The following INSL6 variants were observed in gnomAD, a reference collection of about 807,000 sequenced individuals.
INSL6 encodes the protein insulin-like peptide INSL6.
INSL6 carries 16 observed loss-of-function variants against 9.4 expected under a neutral mutation model. That is an observed-to-expected ratio of 1.70 (90% CI 1.15 to 2.59). INSL6 has a LOEUF of 2.59. Among genes scored for constraint, INSL6 ranks in the 30% most tolerant of loss-of-function variants. The pLI is 0.00. For synonymous variants in INSL6, 154 were observed against 96.9 expected (o/e 1.59, Z -3.46); for missense variants, 391 against 257.3 (o/e 1.52, Z -3.56).
downstream of INSL6, among the ~76,000 whole-genome samples, chr9:5,122,190 A>C (rs1823671105): frequency 6.6e-6 from 1 of 152,136 alleles, no homozygotes; most frequent in Non-Finnish European, 1.5e-5. Context: ...TTTTAATATC[A>C]GTCTAAAACA....
chr9:5,082,546 C>T, the INSL6 span, among the ~76,000 whole-genome samples: 1 of 152,206 alleles, frequency 6.6e-6, no homozygotes, highest in Non-Finnish European at 1.5e-5. Flanking sequence ...GAGACAGTGG[C>T]CTTCCTCTTT....
chr9:5,020,274 A>G, the INSL6 span, among the ~76,000 whole-genome samples: 3 of 152,162 alleles, frequency 2.0e-5, no homozygotes, highest in Non-Finnish European at 4.4e-5. Flanking sequence ...CCACATCCTC[A>G]GACCCCCAGG....
chr9:5,175,224 G>A (rs1475882855), intron 1 of INSL6, among the ~76,000 whole-genome samples: 1 of 152,142 alleles, frequency 6.6e-6, no homozygotes, highest in East Asian at 1.9e-4. Flanking sequence ...ACAGGCATGA[G>A]CCACCGCGTC....
the INSL6 span, among the ~76,000 whole-genome samples, chr9:5,102,169 C>T: frequency 6.6e-6 from 1 of 152,086 alleles, no homozygotes; most frequent in Admixed American, 6.5e-5. Flanking sequence ...TGGCTAACTA[C>T]AATAAACAGT....
chr9:5,113,049 T>A, the INSL6 span, among the ~76,000 whole-genome samples: 2 of 152,042 alleles, frequency 1.3e-5, no homozygotes, highest in African/African-American at 2.4e-5. Flanking sequence ...TGACGCTGGG[T>A]CCAGGAGCTC....
chr9:5,131,310 T>C (rs1382810430), intron 3 of INSL6, among the ~76,000 whole-genome samples: 1 of 152,126 alleles, frequency 6.6e-6, no homozygotes, highest in Non-Finnish European at 1.5e-5. Flanking sequence ...TTTATTATTA[T>C]GTCCTTAGTA....
chr9:5,094,956 AC>A, the INSL6 span: 1 of 152,160 alleles, frequency 6.6e-6, no homozygotes. Flanking sequence ...CCTACCACTT[AC>A]ATTAGCATTC....
the INSL6 span, chr9:5,085,601 A>G: frequency 1.4e-6 from 1 of 697,806 alleles, no homozygotes; most frequent in South Asian, 1.5e-5. Flanking sequence ...GATACTACAG[A>G]AAGAATTAAA....
the INSL6 span, among the ~76,000 whole-genome samples, chr9:5,113,263 G>A: frequency 1.6e-5 from 2 of 123,352 alleles, no homozygotes; most frequent in African/African-American, 3.1e-5. Context: ...CATACACTTT[G>A]TCAGAAAAGA....
At chr9:5,060,821 C>T in the INSL6 span, among the ~76,000 whole-genome samples, 1 of 152,172 alleles carries the variant, frequency 6.6e-6, no homozygotes, top group Non-Finnish European at 1.5e-5. Flanking sequence ...ATTTACCCAG[C>T]TCCATCAGAT....
At chr9:5,109,008 T>C in the INSL6 span, 3 of 152,068 alleles carry the variant, frequency 2.0e-5, no homozygotes, top group Non-Finnish European at 4.4e-5. Context: ...TTCTAGCAAA[T>C]CTCACTAATC....
At chr9:5,183,454 T>C (rs1284145015) in intron 1 of INSL6, among the ~76,000 whole-genome samples, 1 of 152,236 alleles carries the variant, frequency 6.6e-6, no homozygotes, top group African/African-American at 2.4e-5. Context: ...CTGCTCATTA[T>C]TAATGACATT....
the INSL6 span, chr9:5,041,269 G>T: frequency 8.1e-7 from 1 of 1,239,808 alleles, no homozygotes; most frequent in Non-Finnish European, 1.2e-6. Flanking sequence ...TCGACCTCGG[G>T]CTGGCCAAGG....
At chr9:5,115,469 T>C in the INSL6 span, among the ~76,000 whole-genome samples, 7 of 152,296 alleles carry the variant, frequency 4.6e-5, no homozygotes, top group Non-Finnish European at 7.3e-5. Context: ...GATGGGAGTG[T>C]AAATTAGTTC....
At position 5,180,080 on chromosome 9, in the gene INSL6, G is replaced by A. The variant is rs149427462; in HGVS notation, c.289+5234C>T. Among the ~76,000 whole-genome samples the A allele has an allele frequency of 3.4e-3, 516 of 152,344 alleles. 2 individuals are homozygous for A. The highest frequency in any genetic ancestry group is 0.01 in the African/African-American group (431 of 41,586). ...TTGTGGGAAGTCAGGGACCCTGAAC[G>A]GAGGGACCGGCTGGAGCCATGGCAG... On this transcript the variant is annotated intron_variant, in intron 1 of 1. Transcript: ENST00000381641.
the INSL6 span, among the ~76,000 whole-genome samples, chr9:5,101,486 A>G: frequency 6.6e-6 from 1 of 152,266 alleles, no homozygotes; most frequent in African/African-American, 2.4e-5. Flanking sequence ...AAACTTCTGC[A>G]GACTTAAACG....
chr9:5,054,707 GTATC>G, the INSL6 span: 1 of 1,613,334 alleles, frequency 6.2e-7, no homozygotes, highest in Non-Finnish European at 8.5e-7. This position sits in a 1 kb window ranked among gnomAD's most constrained non-coding sequence, Gnocchi z 4.9. Context: ...TGAAACTTAA[GTATC>G]TTATAAATCT....
the INSL6 span, among the ~76,000 whole-genome samples, chr9:5,010,997 A>G: frequency 6.6e-6 from 1 of 151,872 alleles, no homozygotes; most frequent in Non-Finnish European, 1.5e-5. Context: ...TGTCAGTTCT[A>G]TTTCTTGTCT....
the INSL6 span, chr9:5,054,577 T>A: frequency 6.3e-7 from 1 of 1,586,388 alleles, no homozygotes; most frequent in Non-Finnish European, 8.6e-7. The surrounding 1 kb of genome is among the most constrained non-coding windows in gnomAD (Gnocchi z 4.9). Flanking sequence ...AAGACATTCT[T>A]ACCAAAATGT....
Sources: allele counts gnomAD v4.1 joint callset (sites outside exome capture counted in the v4.1 genomes callset), GRCh38; gene constraint gnomAD v4.1.1; non-coding constraint Gnocchi (gnomAD v3.1); transcripts MANE v1.5; gene names NCBI Gene and HGNC (gene_info 2026-07-23, HGNC 2026-07-21).